The following ZNF148 variants were observed in gnomAD, a reference collection of about 807,000 sequenced individuals.
The protein encoded by ZNF148 is Beta-Enolase Repressor Factor-1.
Under a neutral mutation model 67.7 loss-of-function variants are expected in ZNF148, and 7 were observed. That is an observed-to-expected ratio of 0.10 (90% CI 0.06 to 0.19). The LOEUF (loss-of-function observed/expected upper bound fraction) is 0.19. Ranked by LOEUF, ZNF148 falls within the 10% of genes least tolerant of loss-of-function variation. ZNF148 has a pLI of 1.00. For synonymous variants in ZNF148, 333 were observed against 330.7 expected (o/e 1.01, Z -0.08); for missense variants, 583 against 947.1 (o/e 0.62, Z 5.05).
chr3:125,313,425 C>T lies in ZNF148; in HGVS notation c.216G>A (p.Gln72=). 6.2e-7 allele frequency: 1 copy of T among 1,614,052 alleles called. No individual in the cohort carries two copies. The highest frequency in any genetic ancestry group is 8.5e-7 in the Non-Finnish European group (1 of 1,179,988). Residue 72 remains glutamine, a synonymous_variant, in exon 4 of 9, where the codon CAG becomes CAA. Coordinates refer to ENST00000360647, the MANE Select transcript of ZNF148 (RefSeq NM_021964.3). ...EVLQESEMRQ[Q]DMISHDELMV... is the part of the protein sequence containing the mutation. ...TGAGTTCATCATGTGATATCATATC[C>T]TGTTGTCTCATTTCACTTTCTTGTA... is the stretch of plus-strand genomic sequence containing the variant.
chr3:125,302,008 T>C (rs1939613678), intron 4 of ZNF148, among the ~76,000 whole-genome samples: 1 of 152,066 alleles, frequency 6.6e-6, no homozygotes, highest in Admixed American at 6.6e-5. Context: ...GAGGTTGCAC[T>C]GAGCCAAGAC....
intron 1 of ZNF148, among the ~76,000 whole-genome samples, chr3:125,371,621 T>C (rs1266296644): frequency 7.1e-6 from 1 of 141,428 alleles, no homozygotes; most frequent in Non-Finnish European, 1.5e-5. Context: ...ATCGTGCCAC[T>C]GCACTTCAGC....
intron 7 of ZNF148, among the ~76,000 whole-genome samples, chr3:125,264,265 A>G (rs1937473757): frequency 6.6e-6 from 1 of 152,264 alleles, no homozygotes; most frequent in Non-Finnish European, 1.5e-5. Flanking sequence ...TCAGAAGTAC[A>G]AGAGGCCTAA....
At chr3:125,236,740 G>A (rs1418503796) in intron 7 of ZNF148, among the ~76,000 whole-genome samples, 1 of 152,134 alleles carries the variant, frequency 6.6e-6, no homozygotes, top group Non-Finnish European at 1.5e-5. Context: ...TTTCAAGCTC[G>A]AGAGGCCCAC....
chr3:125,330,748 T>C (rs979442191), intron 2 of ZNF148, among the ~76,000 whole-genome samples: 4 of 152,086 alleles, frequency 2.6e-5, no homozygotes, highest in African/African-American at 7.2e-5. Flanking sequence ...GCCACTGACA[T>C]ATATGTAAAC....
chr3:125,316,699 A>AT (rs201386999), intron 3 of ZNF148, among the ~76,000 whole-genome samples: 2,670 of 151,806 alleles, frequency 0.018, 54 homozygotes, highest in Non-Finnish European at 0.02. Context: ...GAATTACTAG[A>AT]TTTTTTTTCC....
chr3:125,330,643 C>T (rs1389411135), intron 2 of ZNF148, among the ~76,000 whole-genome samples: 1 of 152,010 alleles, frequency 6.6e-6, no homozygotes, highest in Non-Finnish European at 1.5e-5. Context: ...GCCTGGGCAA[C>T]ATAGTCGAGA....
rs571962586 is a variant in ZNF148 at position 125,292,845 on chromosome 3, C to T, written c.334-4617G>A. The T allele has an allele frequency of 3.3e-5, 5 of 152,116 alleles. No individual in the cohort carries two copies. In the South Asian group the frequency reaches 1.0e-3, roughly 32 times the overall value. 9.4% of individuals were successfully genotyped at this position (152,116 alleles called of 1,614,324 possible). A position where few individuals can be genotyped will look rare whatever the true frequency, so the allele number is the denominator to read the frequency against. On this transcript the variant is annotated intron_variant, in intron 4 of 8. Coordinates refer to ENST00000360647, the MANE Select transcript of ZNF148 (RefSeq NM_021964.3). ...TAGCTGCTTTTTAAAACTCTCTTTC[C>T]CTTAAAAGTATACAGTGGCATTTTA...
At chr3:125,286,615 C>T (rs1027786084) in intron 5 of ZNF148, among the ~76,000 whole-genome samples, 8 of 152,116 alleles carry the variant, frequency 5.3e-5, no homozygotes, top group African/African-American at 1.9e-4. Flanking sequence ...TTTCAAACAA[C>T]ATAATAATGT....
chr3:125,312,507 G>C (rs1166304199), intron 4 of ZNF148, among the ~76,000 whole-genome samples: 1 of 152,152 alleles, frequency 6.6e-6, no homozygotes, highest in African/African-American at 2.4e-5. Flanking sequence ...TAAATCACAA[G>C]TCCCTATCAC....
At position 125,252,760 on chromosome 3, in the gene ZNF148, C is replaced by CT. The variant is rs373790372; in HGVS notation, c.668-18432dup. 2.7e-3 allele frequency among the ~76,000 whole-genome samples: 261 copies of CT among 95,830 alleles called. 3 individuals carry two copies. Among genetic ancestry groups the CT allele is most frequent in the African/African-American group, 0.011 (233 of 21,820 alleles). 62.9% of individuals were successfully genotyped at this position (95,830 alleles called of 152,430 possible). Reference sequence around the variant, plus strand: ...TCCAGCCTGGCGACAGAGCAAGACTCTGTCTCAAAAAAAAAAAAAAAAAAA... The same window carrying CT: ...TCCAGCCTGGCGACAGAGCAAGACTCTTGTCTCAAAAAAAAAAAAAAAAAAA... On this transcript the variant is annotated intron_variant, in intron 7 of 8. Transcript: ENST00000360647.
chr3:125,289,429 T>C (rs1319314528), intron 4 of ZNF148, among the ~76,000 whole-genome samples: 3 of 152,126 alleles, frequency 2.0e-5, no homozygotes, highest in African/African-American at 7.2e-5. Context: ...ATGATGTAAA[T>C]GATTATTTAT....
intron 1 of ZNF148, among the ~76,000 whole-genome samples, chr3:125,336,176 A>AT (rs1293611957): frequency 1.3e-5 from 2 of 152,200 alleles, no homozygotes; most frequent in African/African-American, 2.4e-5. Flanking sequence ...GCACTACCAA[A>AT]TAAAAAGGCT....
In ZNF148 at chr3:125,232,485, T is replaced by C. The variant is rs1475306081; in HGVS notation, c.2241A>G (p.Gln747=). The C allele has an allele frequency of 1.2e-6, 2 of 1,613,708 alleles. No individual in the cohort carries two copies. Among genetic ancestry groups the C allele is most frequent in the East Asian group, 2.2e-5 (1 of 44,868 alleles). The part of the protein sequence containing the change: ...YHGSRAGIAT[Q]FSTANGQVNL... ...TCACCTGTCCATTGGCAGTGCTAAA[T>C]TGAGTAGCTATTCCAGCTCTTGATC... The change falls in exon 9 of 9, where the codon CAA becomes CAG. Residue 747 remains glutamine, a synonymous_variant. Transcript: ENST00000360647. This position sits in a 1 kb window ranked among gnomAD's most constrained non-coding sequence, Gnocchi z 4.2.
chr3:125,354,632 A>T (rs2107766367), intron 1 of ZNF148, among the ~76,000 whole-genome samples: 1 of 152,350 alleles, frequency 6.6e-6, no homozygotes, highest in South Asian at 2.1e-4. Flanking sequence ...ATCCTCACAC[A>T]ACAGAACAAA....
intron 1 of ZNF148, among the ~76,000 whole-genome samples, chr3:125,347,702 T>C (rs1169457019): frequency 2.0e-5 from 3 of 151,886 alleles, no homozygotes; most frequent in African/African-American, 7.3e-5. Flanking sequence ...TAATTTTATG[T>C]ATTCTTTTTA....
At chr3:125,244,588 C>T (rs1322710352) in intron 7 of ZNF148, among the ~76,000 whole-genome samples, 1 of 152,002 alleles carries the variant, frequency 6.6e-6, no homozygotes, top group African/African-American at 2.4e-5. Context: ...ACCTCCACCT[C>T]CCTGGTTTAA....
chr3:125,302,369 C>A (rs1473461776), intron 4 of ZNF148, among the ~76,000 whole-genome samples: 3 of 150,822 alleles, frequency 2.0e-5, no homozygotes, highest in Non-Finnish European at 4.4e-5. Context: ...CAGAACAAGA[C>A]CCTGTCTCAA....
At chr3:125,260,244 G>A (rs556279722) in intron 7 of ZNF148, among the ~76,000 whole-genome samples, 17 of 152,106 alleles carry the variant, frequency 1.1e-4, no homozygotes, top group South Asian at 8.3e-4. Flanking sequence ...GTGAGTGCAC[G>A]CTGCTGGAAA....
Sources: allele counts gnomAD v4.1 joint callset (sites outside exome capture counted in the v4.1 genomes callset), GRCh38; gene constraint gnomAD v4.1.1; non-coding constraint Gnocchi (gnomAD v3.1); transcripts MANE v1.5; gene names NCBI Gene and HGNC (gene_info 2026-07-23, HGNC 2026-07-21).